The following GRID2 variants were observed in gnomAD, a reference collection of about 807,000 sequenced individuals.
GRID2 encodes the protein glutamate ionotropic receptor delta type subunit 2.
In GRID2, 33 loss-of-function variants were observed where a neutral mutation model predicts 114.8. The observed-to-expected ratio is 0.29, with a 90% CI of 0.22 to 0.38. GRID2 has a LOEUF of 0.38. Ranked by LOEUF, GRID2 falls within the 10% of genes least tolerant of loss-of-function variation. The pLI is 1.00. For synonymous variants in GRID2, 505 were observed against 449.9 expected (o/e 1.12, Z -1.55); for missense variants, 1,184 against 1,257.7 (o/e 0.94, Z 0.89).
intron 2 of GRID2, among the ~76,000 whole-genome samples, chr4:93,048,405 A>G (rs1363219832): frequency 6.6e-6 from 1 of 151,878 alleles, no homozygotes; most frequent in Non-Finnish European, 1.5e-5. Context: ...CTGGAGAGTC[A>G]GGTACCTGAT....
intron 2 of GRID2, among the ~76,000 whole-genome samples, chr4:92,691,524 T>C (rs1385483765): frequency 6.6e-6 from 1 of 152,152 alleles, no homozygotes. Flanking sequence ...CAGAGCTAAG[T>C]GGTTTTGCTC....
intron 14 of GRID2, among the ~76,000 whole-genome samples, chr4:93,699,089 G>A (rs1405141259): frequency 1.3e-5 from 2 of 152,034 alleles, no homozygotes; most frequent in East Asian, 1.9e-4. Context: ...CTCAACATCT[G>A]TTGCTGTTAT....
chr4:92,665,921 G>A (rs920966637), intron 2 of GRID2, among the ~76,000 whole-genome samples: 17 of 151,230 alleles, frequency 1.1e-4, no homozygotes, highest in East Asian at 3.9e-4. Context: ...TCACAATATC[G>A]AATTCATTAA....
chr4:93,198,914 A>G (rs1434332860), intron 4 of GRID2, among the ~76,000 whole-genome samples: 4 of 152,158 alleles, frequency 2.6e-5, no homozygotes, highest in Non-Finnish European at 4.4e-5. Flanking sequence ...TTACCCCCAA[A>G]TCATTTTAAG....
intron 14 of GRID2, among the ~76,000 whole-genome samples, chr4:93,752,558 G>C (rs906419123): frequency 6.6e-6 from 1 of 152,056 alleles, no homozygotes. Context: ...GTTTAGTAGA[G>C]ACAGGGTTTC....
chr4:92,916,104 T>G (rs1381137927), intron 2 of GRID2, among the ~76,000 whole-genome samples: 1 of 152,178 alleles, frequency 6.6e-6, no homozygotes, highest in Admixed American at 6.6e-5. Context: ...TAGCTTTTGT[T>G]GCAACTGCTT....
rs1367062124 is a variant in GRID2, at chr4:92,484,298, C to CAT, written c.89-105831_89-105830dup. Among the ~76,000 whole-genome samples the CAT allele has an allele frequency of 5.9e-5, 9 of 152,204 alleles. No individual in the cohort carries two copies. The South Asian group carries it at 1.9e-3, about 32-fold the overall frequency. ...GCACCAAGATGCCTCATCCAAGCTG[C>CAT]ATAATGATTCAGTAATTCCCTTGAA... On this transcript the variant is annotated intron_variant, in intron 1 of 15. Transcript: ENST00000282020.
intron 2 of GRID2, among the ~76,000 whole-genome samples, chr4:92,932,339 T>C (rs1236956021): frequency 6.6e-6 from 1 of 151,008 alleles, no homozygotes; most frequent in Admixed American, 6.6e-5. Context: ...CAAGATAAGG[T>C]TTTGCACAAC....
intron 5 of GRID2, among the ~76,000 whole-genome samples, chr4:93,209,628 G>C (rs564148587): frequency 1.6e-3 from 245 of 152,188 alleles, no homozygotes; most frequent in African/African-American, 5.2e-3. Context: ...TGGGATTGCT[G>C]GGTGAAATGG....
intron 2 of GRID2, among the ~76,000 whole-genome samples, chr4:92,864,031 G>T (rs1045077613): frequency 2.0e-5 from 3 of 152,092 alleles, no homozygotes; most frequent in African/African-American, 7.2e-5. Flanking sequence ...GCCTCAAGGT[G>T]CTTCCCATTA....
chr4:92,343,120 T>C (rs1727589645), intron 1 of GRID2, among the ~76,000 whole-genome samples: 1 of 152,180 alleles, frequency 6.6e-6, no homozygotes, highest in Non-Finnish European at 1.5e-5. Context: ...AAGCTTATTA[T>C]ATTCTCAATA....
intron 8 of GRID2, among the ~76,000 whole-genome samples, chr4:93,365,756 G>A (rs1460074547): frequency 6.6e-6 from 1 of 152,116 alleles, no homozygotes; most frequent in African/African-American, 2.4e-5. Context: ...CCTAAAGTTA[G>A]GCATAATCAA....
chr4:92,616,037 T>C (rs1729990115), intron 2 of GRID2, among the ~76,000 whole-genome samples: 1 of 151,706 alleles, frequency 6.6e-6, no homozygotes, highest in East Asian at 1.9e-4. Context: ...CTATGTACAC[T>C]ATCTTCATAT....
intron 2 of GRID2, among the ~76,000 whole-genome samples, chr4:93,050,286 TC>T (rs1326217639): frequency 6.6e-6 from 1 of 152,106 alleles, no homozygotes; most frequent in Non-Finnish European, 1.5e-5. Flanking sequence ...CTCCTCTTAT[TC>T]TTTTATTTTT....
chr4:93,739,572 C>T lies in GRID2; in HGVS notation c.2361-29638C>T, dbSNP rs535013885. Among the ~76,000 whole-genome samples, 22 of 152,196 alleles carry T rather than the reference C, an allele frequency of 1.4e-4. 1 individual carries two copies. In the South Asian group the frequency reaches 4.6e-3, roughly 32 times the overall value. The stretch of plus-strand genomic sequence containing the variant: ...ACATATTGTCCTTGGTCTAATCACT[C>T]ACCTGTCCCTGACTTGATATTAGGT... On this transcript the variant is annotated intron_variant, in intron 14 of 15. Transcript: ENST00000282020.
rs77570640 is a variant in GRID2 at position 92,824,163 on chromosome 4, G to A, written c.244+233877G>A. ...GTTTGACCTGTAGGCTAAGAAAGAC[G>A]TAGATAAAGGCATTTTTGCCTGCTT... On this transcript the variant is annotated intron_variant, in intron 2 of 15. Coordinates refer to ENST00000282020, the MANE Select transcript of GRID2 (RefSeq NM_001510.4). Among the ~76,000 whole-genome samples the A allele has an allele frequency of 4.7e-3, 717 of 152,242 alleles. 9 individuals carry two copies. The highest frequency in any genetic ancestry group is 0.016 in the African/African-American group (679 of 41,554).
intron 9 of GRID2, among the ~76,000 whole-genome samples, chr4:93,410,771 C>T (rs1479498660): frequency 6.6e-6 from 1 of 152,128 alleles, no homozygotes; most frequent in African/African-American, 2.4e-5. Context: ...TTAGTAGAGA[C>T]AGGGTTTTGC....
At chr4:92,973,802 C>A (rs1471421274) in intron 2 of GRID2, among the ~76,000 whole-genome samples, 2 of 152,068 alleles carry the variant, frequency 1.3e-5, no homozygotes, top group Admixed American at 6.6e-5. Flanking sequence ...TTGTAATACA[C>A]CTTCTAGACA....
chr4:92,940,591 C>A (rs1751036177), intron 2 of GRID2, among the ~76,000 whole-genome samples: 1 of 152,200 alleles, frequency 6.6e-6, no homozygotes, highest in Non-Finnish European at 1.5e-5. Flanking sequence ...CTGGCCAGAA[C>A]TTCCAACACT....
Sources: allele counts gnomAD v4.1 joint callset (sites outside exome capture counted in the v4.1 genomes callset), GRCh38; gene constraint gnomAD v4.1.1; transcripts MANE v1.5; gene names NCBI Gene and HGNC (gene_info 2026-07-23, HGNC 2026-07-21).